Variants in TNKS observed in about 807,000 individuals in gnomAD.
TNKS encodes the protein poly [ADP-ribose] polymerase tankyrase-1.
In TNKS, 72 loss-of-function variants were observed where a neutral mutation model predicts 135.8. The observed-to-expected ratio is 0.53, with a 90% CI of 0.44 to 0.64. The LOEUF (loss-of-function observed/expected upper bound fraction) is 0.64. Among genes scored for constraint, TNKS ranks in the 30% least tolerant of loss-of-function variants. TNKS has a pLI of 0.00. For synonymous variants in TNKS, 849 were observed against 649.3 expected (o/e 1.31, Z -4.68); for missense variants, 1,769 against 1,674.0 (o/e 1.06, Z -0.99).
chr8:9,718,445 G>A (rs1804715902), intron 11 of TNKS, among the ~76,000 whole-genome samples: 1 of 152,174 alleles, frequency 6.6e-6, no homozygotes, highest in African/African-American at 2.4e-5. Context: ...TTCACACTGA[G>A]TAGAATATTG....
chr8:9,558,899 G>A (rs1261363952), intron 1 of TNKS: 6 of 152,112 alleles, frequency 3.9e-5, no homozygotes, highest in Non-Finnish European at 8.8e-5. Flanking sequence ...TTAAACTTTA[G>A]TCTTCTTTAT....
chr8:9,757,782 G>T (rs888262270), intron 20 of TNKS, among the ~76,000 whole-genome samples: 1 of 152,292 alleles, frequency 6.6e-6, no homozygotes, highest in East Asian at 1.9e-4. Context: ...ACTATAAGGG[G>T]TTGTTTTAGA....
intron 1 of TNKS, among the ~76,000 whole-genome samples, chr8:9,566,027 G>C (rs1294196009): frequency 2.6e-5 from 4 of 151,954 alleles, no homozygotes; most frequent in African/African-American, 7.3e-5. Context: ...GAAAAGTTCT[G>C]ATGCCCTCAT....
At chr8:9,691,981 A>C (rs534005080) in intron 5 of TNKS, among the ~76,000 whole-genome samples, 88 of 152,294 alleles carry the variant, frequency 5.8e-4, no homozygotes, top group Non-Finnish European at 1.0e-3. Flanking sequence ...TCAGATATAA[A>C]AAATTTGGTT....
intron 3 of TNKS, among the ~76,000 whole-genome samples, chr8:9,628,505 A>C (rs1027901254): frequency 6.6e-6 from 1 of 151,540 alleles, no homozygotes; most frequent in Non-Finnish European, 1.5e-5. Context: ...GCAAGGTACA[A>C]ATTCCTCCTG....
chr8:9,720,945 T>A (rs1217904700), intron 12 of TNKS, among the ~76,000 whole-genome samples: 2 of 152,166 alleles, frequency 1.3e-5, no homozygotes. Flanking sequence ...AATTCTTAAC[T>A]TCATTGCATT....
At chr8:9,731,076 A>T in intron 14 of TNKS, 41 bp downstream of exon 14, 2 of 1,499,470 alleles carry the variant, frequency 1.3e-6, no homozygotes, top group South Asian at 2.7e-5. Flanking sequence ...CATTCTCTTC[A>T]TGCTTAAAAA....
intron 2 of TNKS, among the ~76,000 whole-genome samples, chr8:9,602,394 AAGAG>A (rs1241886857): frequency 6.6e-6 from 1 of 152,192 alleles, no homozygotes; most frequent in Non-Finnish European, 1.5e-5. Context: ...GAGCCAGTAG[AAGAG>A]AGAGAGGCAG....
At chr8:9,734,562 G>C (rs1805594570) in intron 15 of TNKS, among the ~76,000 whole-genome samples, 1 of 152,034 alleles carries the variant, frequency 6.6e-6, no homozygotes, top group South Asian at 2.1e-4. Context: ...AAGTAAAATA[G>C]GTTTCCAAAG....
intron 2 of TNKS, among the ~76,000 whole-genome samples, chr8:9,608,637 G>A (rs907214808): frequency 6.6e-6 from 1 of 152,164 alleles, no homozygotes; most frequent in Admixed American, 6.5e-5. Flanking sequence ...CTCCTTCACA[G>A]ACATCTGGGG....
At chr8:9,570,858 A>G (rs1797729293) in intron 1 of TNKS, among the ~76,000 whole-genome samples, 1 of 152,196 alleles carries the variant, frequency 6.6e-6, no homozygotes, top group Admixed American at 6.5e-5. Flanking sequence ...AGCCCCGGCT[A>G]CTAGAGAGGC....
At chr8:9,598,731 G>GTGTGTGTGTC (rs1554444991) in intron 2 of TNKS, among the ~76,000 whole-genome samples, 1 of 128,490 alleles carries the variant, frequency 7.8e-6, no homozygotes, top group African/African-American at 3.1e-5. Flanking sequence ...GTGTGTGTGT[G>GTGTGTGTGTC]TGTCTGTGTG....
intron 2 of TNKS, among the ~76,000 whole-genome samples, chr8:9,585,447 G>T (rs995154616): frequency 3.3e-4 from 50 of 152,248 alleles, no homozygotes; most frequent in African/African-American, 1.2e-3. Context: ...GGCTCAGGGA[G>T]CTCCATATGA....
chr8:9,588,359 C>G (rs902996618), intron 2 of TNKS, among the ~76,000 whole-genome samples: 1 of 152,192 alleles, frequency 6.6e-6, no homozygotes, highest in East Asian at 1.9e-4. Flanking sequence ...ACTGCAAGCT[C>G]TGCCTCCCAG....
At chr8:9,708,931 A>G (rs1804185846) in intron 9 of TNKS, among the ~76,000 whole-genome samples, 1 of 152,144 alleles carries the variant, frequency 6.6e-6, no homozygotes, top group Non-Finnish European at 1.5e-5. Context: ...TGGTAGAAAA[A>G]TGGCAAGATC....
At chr8:9,678,326 T>C (rs975199452) in intron 3 of TNKS, among the ~76,000 whole-genome samples, 5 of 152,210 alleles carry the variant, frequency 3.3e-5, no homozygotes, top group African/African-American at 1.2e-4. Flanking sequence ...CTACCTAAAA[T>C]GTTTAACAAA....
rs1025155150 is a variant in TNKS, at chr8:9,611,263, G to C, written c.899-4319G>C. ...GTTTAATAATGTCCCAGTGGTTAAA[G>C]ATAGTATAGGGGGCTTTGTGAATGG... On this transcript the variant is annotated intron_variant, in intron 2 of 26. Coordinates refer to ENST00000310430, the MANE Select transcript of TNKS (RefSeq NM_003747.3). 2.4e-4 allele frequency among the ~76,000 whole-genome samples: 36 copies of C among 152,214 alleles called. 1 individual carries two copies. The highest frequency in any genetic ancestry group is 8.4e-4 in the African/African-American group (35 of 41,458).
chr8:9,635,938 G>T (rs544747644), intron 3 of TNKS, among the ~76,000 whole-genome samples: 2 of 152,110 alleles, frequency 1.3e-5, no homozygotes, highest in East Asian at 3.9e-4. Flanking sequence ...GCTATAATAG[G>T]AATGACTGAC....
At chr8:9,603,347 G>A (rs569179849) in intron 2 of TNKS, among the ~76,000 whole-genome samples, 1 of 151,140 alleles carries the variant, frequency 6.6e-6, no homozygotes, top group African/African-American at 2.4e-5. Context: ...GAGCCACCAC[G>A]CCTGACCTTA....
Sources: gnomAD v4.1 joint callset for allele counts (sites outside exome capture counted in the v4.1 genomes callset) on GRCh38, gnomAD v4.1.1 for gene constraint, MANE v1.5 for transcripts, NCBI Gene and HGNC (gene_info 2026-07-23, HGNC 2026-07-21) for gene names.